Variants in TNRC6B observed in about 807,000 individuals in gnomAD.
TNRC6B encodes the protein trinucleotide repeat containing adaptor 6B.
TNRC6B carries 52 observed loss-of-function variants against 203.6 expected under a neutral mutation model. The observed-to-expected ratio is 0.26, with a 90% CI of 0.20 to 0.32. TNRC6B has a LOEUF of 0.32. TNRC6B is among the 10% of genes least tolerant of loss of function. TNRC6B has a pLI of 1.00. For synonymous variants in TNRC6B, 838 were observed against 845.7 expected (o/e 0.99, Z 0.16); for missense variants, 1,923 against 2,286.2 (o/e 0.84, Z 3.24).
At chr22:40,140,758 A>C (rs1350790695) in intron 3 of TNRC6B, among the ~76,000 whole-genome samples, 1 of 151,998 alleles carries the variant, frequency 6.6e-6, no homozygotes, top group Non-Finnish European at 1.5e-5. Flanking sequence ...TTCCTGCCTC[A>C]AACTCCCAAG....
At chr22:40,314,438 T>G (rs2146568210) in intron 19 of TNRC6B, among the ~76,000 whole-genome samples, 1 of 152,378 alleles carries the variant, frequency 6.6e-6, no homozygotes, top group African/African-American at 2.4e-5. Context: ...CAAAAACTCC[T>G]GATATGTAAC....
rs1290069628 is a variant in TNRC6B, at chr22:40,265,342, A to G, written c.1112A>G (p.Asp371Gly). The G allele has an allele frequency of 7.4e-6, 12 of 1,613,880 alleles. No individual in the cohort carries two copies. In the East Asian group the frequency reaches 1.6e-4, roughly 21 times the overall value. Residue 371 changes from aspartate (D) to glycine (G), a missense_variant, in exon 5 of 23, where the codon GAT becomes GGT. Coordinates refer to ENST00000454349, the MANE Select transcript of TNRC6B (RefSeq NM_001162501.2). Reference protein sequence around the residue: ...GREQAQIHNTDGPKNGNTNSL... With the variant: ...GREQAQIHNTGGPKNGNTNSL... ...GAACAGGCTCAAATTCATAACACTGATGGACCAAAAAATGGAAACACTAAC... is the reference window on the plus strand; with the variant it reads ...GAACAGGCTCAAATTCATAACACTGGTGGACCAAAAAATGGAAACACTAAC...
chr22:40,264,074 T>C (rs2070431600), intron 4 of TNRC6B, among the ~76,000 whole-genome samples: 1 of 152,232 alleles, frequency 6.6e-6, no homozygotes, highest in African/African-American at 2.4e-5. Flanking sequence ...TAAATTTCAC[T>C]GTGTGAATTC....
intron 1 of TNRC6B, among the ~76,000 whole-genome samples, chr22:40,082,364 T>G (rs1367054350): frequency 6.6e-6 from 1 of 152,182 alleles, no homozygotes; most frequent in Non-Finnish European, 1.5e-5. Context: ...AGGGTGTTTC[T>G]GACAGAGGGA....
At chr22:40,179,062 G>A (rs1341572760) in intron 1 of TNRC6B, among the ~76,000 whole-genome samples, 1 of 152,044 alleles carries the variant, frequency 6.6e-6, no homozygotes, top group Admixed American at 6.6e-5. Context: ...TGCCTGTTTC[G>A]GCCATGTATC....
At chr22:40,196,547 T>A (rs1464305786) in intron 1 of TNRC6B, among the ~76,000 whole-genome samples, 1 of 152,070 alleles carries the variant, frequency 6.6e-6, no homozygotes, top group Non-Finnish European at 1.5e-5. Context: ...AAAAAACAGC[T>A]TATTTGTTCA....
intron 5 of TNRC6B, 70 bp from the exon 6 acceptor site, chr22:40,270,052 C>A (rs2070537547): frequency 6.7e-7 from 1 of 1,490,918 alleles, no homozygotes; most frequent in Non-Finnish European, 9.1e-7. Context: ...TTCCTTCCAC[C>A]TTCACCCCAC....
intron 8 of TNRC6B, 116 bp downstream of exon 8, chr22:40,277,267 A>G: frequency 2.9e-6 from 2 of 683,006 alleles, no homozygotes; most frequent in East Asian, 6.0e-5. Flanking sequence ...AAAACTAGTT[A>G]AGCAATGTTC....
At chr22:40,140,537 C>T (rs1444716093) in intron 3 of TNRC6B, among the ~76,000 whole-genome samples, 2 of 152,162 alleles carry the variant, frequency 1.3e-5, no homozygotes. Context: ...TGGAAAGTGA[C>T]CATACCAGTC....
At chr22:40,276,844 A>G (rs1159508620) in intron 7 of TNRC6B, 3 of 352,754 alleles carry the variant, frequency 8.5e-6, no homozygotes, top group East Asian at 4.3e-5. Context: ...CTGAGCATGT[A>G]TTTTTCCAGT....
intron 2 of TNRC6B, among the ~76,000 whole-genome samples, chr22:40,248,078 A>G (rs988653615): frequency 2.8e-5 from 4 of 140,726 alleles, no homozygotes; most frequent in Non-Finnish European, 3.1e-5. Context: ...TTGTGTCTAG[A>G]AAAAAAAAAA....
At chr22:40,173,794 T>TATATATATATATA (rs201025367), upstream of TNRC6B, among the ~76,000 whole-genome samples, 30 of 31,366 alleles carry the variant, frequency 9.6e-4, no homozygotes, top group South Asian at 8.3e-3. Flanking sequence ...TATATATATA[T>TATATATATATATA]TTTTTTTTTT....
At chr22:40,303,133 G>T (rs910139628) in intron 15 of TNRC6B, among the ~76,000 whole-genome samples, 1 of 142,848 alleles carries the variant, frequency 7.0e-6, no homozygotes, top group South Asian at 2.3e-4. Context: ...AGGTTCAAGC[G>T]ATTCTCCTGC....
chr22:40,106,776 C>T (rs2068286993), intron 1 of TNRC6B: 2 of 858,374 alleles, frequency 2.3e-6, no homozygotes, highest in Non-Finnish European at 4.0e-6. Context: ...CCATTGATAC[C>T]TCTGATCCTG....
intron 1 of TNRC6B, among the ~76,000 whole-genome samples, chr22:40,185,512 G>T (rs1569012099): frequency 6.6e-6 from 1 of 152,206 alleles, no homozygotes; most frequent in African/African-American, 2.4e-5. Flanking sequence ...AAGCTTTGTT[G>T]AGGACTTTGT....
chr22:40,201,553 A>AGCCTC (rs2069412436), intron 1 of TNRC6B, among the ~76,000 whole-genome samples: 1 of 151,456 alleles, frequency 6.6e-6, no homozygotes, highest in East Asian at 1.9e-4. Context: ...TTCCCACTTC[A>AGCCTC]GCCTCCTGAG....
chr22:40,173,795 T>TATATATATATA (rs869193557), upstream of TNRC6B, among the ~76,000 whole-genome samples: 9 of 36,792 alleles, frequency 2.4e-4, no homozygotes, highest in Admixed American at 4.4e-4. Context: ...ATATATATAT[T>TATATATATATA]TTTTTTTTTT....
chr22:40,266,720 G>A lies in TNRC6B; in HGVS notation c.2490G>A (p.Pro830=), dbSNP rs780632727. The A allele has an allele frequency of 1.4e-5, 22 of 1,613,794 alleles. No individual in the cohort carries two copies. The highest frequency in any genetic ancestry group is 2.2e-5 in the South Asian group (2 of 91,056). ...AGCAGCAGCCCCCACAGCAGCCGCC[G>A]CCACCACAACCAGAGGCTTCTGGTT... ...HQQQQPPQQP[P]PPQPEASGSW... is the part of the protein sequence containing the mutation. The change falls in exon 5 of 23, where the codon CCG becomes CCA. Residue 830 remains proline (P), a synonymous_variant. Transcript: ENST00000454349.
chr22:40,166,424 C>G (rs546677185), intron 4 of TNRC6B, among the ~76,000 whole-genome samples: 1 of 150,736 alleles, frequency 6.6e-6, no homozygotes, highest in African/African-American at 2.4e-5. Flanking sequence ...TTTGGCCATG[C>G]TATACTCTTT....
Sources: allele counts gnomAD v4.1 joint callset (sites outside exome capture counted in the v4.1 genomes callset), GRCh38; gene constraint gnomAD v4.1.1; transcripts MANE v1.5; gene names NCBI Gene and HGNC (gene_info 2026-07-23, HGNC 2026-07-21).